DNAJC1: variants seen among roughly 807,000 people sequenced by gnomAD.
DNAJC1 encodes DnaJ heat shock protein family (Hsp40) member C1, also known as dnaJ homolog subfamily C member 1.
Under a neutral mutation model 76.6 loss-of-function variants are expected in DNAJC1, and 58 were observed. The ratio of observed to expected loss-of-function variants is 0.76; its 90% CI spans 0.61 to 0.94. The LOEUF is 0.94. Ranked by LOEUF, DNAJC1 falls within the 40% of genes least tolerant of loss-of-function variation. The pLI, the probability that DNAJC1 is intolerant of heterozygous loss-of-function variation, is 0.00. For synonymous variants in DNAJC1, 258 were observed against 267.9 expected, an observed-to-expected ratio of 0.96 and a Z score of 0.36; for missense variants, 689 against 677.3, an observed-to-expected ratio of 1.02 and a Z score of -0.19.
chr10:21,859,107 A>C (rs553205132), intron 8 of DNAJC1, among the ~76,000 whole-genome samples: 1 of 152,298 alleles, frequency 6.6e-6, no homozygotes, highest in East Asian at 1.9e-4. Flanking sequence ...TATTCCTATC[A>C]AGTGTTGTAG....
chr10:21,939,635 T>C (rs992679317), intron 1 of DNAJC1, among the ~76,000 whole-genome samples: 2 of 152,172 alleles, frequency 1.3e-5, no homozygotes, highest in African/African-American at 4.8e-5. Context: ...ATCAATAGTC[T>C]ATACCATGTT....
At chr10:21,911,005 GAAAGAGAAAGAGAA>G (rs1420026274) in intron 6 of DNAJC1, among the ~76,000 whole-genome samples, 1 of 149,322 alleles carries the variant, frequency 6.7e-6, no homozygotes, top group Non-Finnish European at 1.5e-5. Context: ...GAGGGAGAAA[GAAAGAGAAAGAGAA>G]AAAGAGAAAG....
chr10:21,961,654 T>A (rs1184372237), intron 1 of DNAJC1, among the ~76,000 whole-genome samples: 2 of 152,138 alleles, frequency 1.3e-5, no homozygotes, highest in African/African-American at 4.8e-5. Context: ...AAATTTTGGA[T>A]AGGTAATAGT....
At chr10:21,961,034 CA>C (rs1309024166) in intron 1 of DNAJC1, among the ~76,000 whole-genome samples, 1 of 152,042 alleles carries the variant, frequency 6.6e-6, no homozygotes, top group Non-Finnish European at 1.5e-5. Flanking sequence ...CAATATATAC[CA>C]CTTCACAACT....
intron 9 of DNAJC1, among the ~76,000 whole-genome samples, chr10:21,777,028 C>G (rs1048467340): frequency 3.3e-5 from 5 of 152,144 alleles, no homozygotes; most frequent in African/African-American, 1.2e-4. Flanking sequence ...GCATTCTTAA[C>G]TATACATAAT....
At chr10:21,817,020 C>A (rs996727162) in intron 8 of DNAJC1, among the ~76,000 whole-genome samples, 4 of 149,378 alleles carry the variant, frequency 2.7e-5, no homozygotes, top group African/African-American at 9.8e-5. Flanking sequence ...ATTAGCCGGG[C>A]GTGGTGGCGG....
In DNAJC1 at chr10:21,987,505, T is replaced by C. The variant is rs563636158; in HGVS notation, c.222+15708A>G. Among the ~76,000 whole-genome samples, 8 of 152,328 alleles carry C rather than the reference T, an allele frequency of 5.3e-5. No individual in the cohort carries two copies. In the South Asian group the frequency reaches 1.7e-3, roughly 32 times the overall value. ...GTTAGCTTTCTTGGTCAGGATAACA[T>C]GGTGTTTACCAGAATGTAGAATTAT... On this transcript the variant is annotated intron_variant, in intron 1 of 11. Transcript: ENST00000376980.
At chr10:21,898,489 G>C in intron 7 of DNAJC1, among the ~76,000 whole-genome samples, 1 of 151,512 alleles carries the variant, frequency 6.6e-6, no homozygotes, top group Non-Finnish European at 1.5e-5. Context: ...ATTGTGCACA[G>C]TATATAACAC....
intron 8 of DNAJC1, among the ~76,000 whole-genome samples, chr10:21,868,114 A>G (rs1836039046): frequency 7.1e-6 from 1 of 141,416 alleles, no homozygotes; most frequent in African/African-American, 2.6e-5. Context: ...ACAACTGGAA[A>G]CAATGAAAAT....
chr10:21,948,428 A>G lies in DNAJC1; in HGVS notation c.223-19287T>C, dbSNP rs139266513. On this transcript the variant is annotated intron_variant, in intron 1 of 11. Transcript: ENST00000376980. ...AGATATAATATCACAAAAATCTTCA[A>G]GTCAGTATTATTGAAATTAATGTGG... Among the ~76,000 whole-genome samples the G allele has an allele frequency of 2.1e-4, 32 of 152,308 alleles. 1 individual carries two copies. Among genetic ancestry groups the G allele is most frequent in the East Asian group, 1.7e-3 (9 of 5,186 alleles).
intron 6 of DNAJC1, 63 bp from the exon 7 acceptor site, chr10:21,904,675 A>G: frequency 6.6e-6 from 7 of 1,062,032 alleles, no homozygotes; most frequent in Non-Finnish European, 9.7e-6. Context: ...AATATTTTCC[A>G]TGTAACTTAA....
In DNAJC1 at chr10:22,003,317, C is replaced by CCAG. The variant is rs751051022; in HGVS notation, c.115_117dup (p.Leu39dup). ...CAGCCGCGCGCCGGCGCCACGGCGG[C>CCAG]CAGCAGCAGCAGCAGCAGCCACAGC... On this transcript the variant is annotated inframe_insertion, in exon 1 of 12. Coordinates refer to ENST00000376980, the MANE Select transcript of DNAJC1 (RefSeq NM_022365.4). The CCAG allele has an allele frequency of 3.2e-4, 486 of 1,517,390 alleles. 1 individual carries two copies. Among genetic ancestry groups the CCAG allele is most frequent in the East Asian group, 1.1e-3 (41 of 36,724 alleles). 94.0% of individuals were successfully genotyped at this position (1,517,390 alleles called of 1,614,324 possible). A position where few individuals can be genotyped will look rare whatever the true frequency, so the allele number is the denominator to read the frequency against.
intron 6 of DNAJC1, among the ~76,000 whole-genome samples, chr10:21,916,198 A>G (rs957575504): frequency 3.3e-5 from 5 of 152,190 alleles, no homozygotes; most frequent in African/African-American, 1.2e-4. Context: ...ACTCTTATTT[A>G]AAAATAAAAC....
At chr10:21,998,389 C>CAAAAAAAAAA (rs60371730) in intron 1 of DNAJC1, among the ~76,000 whole-genome samples, 3 of 95,832 alleles carry the variant, frequency 3.1e-5, no homozygotes, top group Non-Finnish European at 6.0e-5. Context: ...GACTCCATCT[C>CAAAAAAAAAA]AAAAAAAAAA....
In DNAJC1 at chr10:21,970,600, T is replaced by C. The variant is rs1837961760; in HGVS notation, c.222+32613A>G. Among the ~76,000 whole-genome samples, 6 of 152,092 alleles carry C rather than the reference T, an allele frequency of 3.9e-5. 2 individuals carry two copies. The highest frequency in any genetic ancestry group is 2.1e-4 in the South Asian group (1 of 4,830). ...TAATGAATGTTTTCCTTTGTAGACCTTGACAAACTCTTTCCCAGGTCAGCA... is the reference window on the plus strand; with the variant it reads ...TAATGAATGTTTTCCTTTGTAGACCCTGACAAACTCTTTCCCAGGTCAGCA... On this transcript the variant is annotated intron_variant, in intron 1 of 11. Coordinates refer to ENST00000376980, the MANE Select transcript of DNAJC1 (RefSeq NM_022365.4).
At chr10:21,809,030 CTTAAA>C (rs1282404138) in intron 8 of DNAJC1, among the ~76,000 whole-genome samples, 5 of 152,118 alleles carry the variant, frequency 3.3e-5, no homozygotes, top group African/African-American at 9.7e-5. Context: ...GATATGAAAA[CTTAAA>C]TTATATTCCC....
intron 1 of DNAJC1, among the ~76,000 whole-genome samples, chr10:21,930,627 T>C (rs2666750): frequency 0.57 from 87,128 of 152,024 alleles, 27,456 homozygotes; most frequent in East Asian, 0.96. Flanking sequence ...GTGTGAGTAT[T>C]TTTGTGACTT....
At chr10:21,945,577 A>G (rs1057295084) in intron 1 of DNAJC1, among the ~76,000 whole-genome samples, 3 of 152,178 alleles carry the variant, frequency 2.0e-5, no homozygotes, top group African/African-American at 7.2e-5. Flanking sequence ...AGCAGGAAAA[A>G]GGAGAGGATA....
At chr10:21,794,709 T>C (rs1015948676) in intron 9 of DNAJC1, among the ~76,000 whole-genome samples, 7 of 152,018 alleles carry the variant, frequency 4.6e-5, no homozygotes, top group Admixed American at 1.3e-4. Flanking sequence ...AAGAAAAAAA[T>C]TGATGAACTG....
Sources: allele counts gnomAD v4.1 joint callset (sites outside exome capture counted in the v4.1 genomes callset), GRCh38; gene constraint gnomAD v4.1.1; transcripts MANE v1.5; gene names NCBI Gene and HGNC (gene_info 2026-07-23, HGNC 2026-07-21).